The following ZNF623 variants were observed in gnomAD, a reference collection of about 807,000 sequenced individuals.
ZNF623 encodes zinc finger protein 623.
ZNF623 carries 16 observed loss-of-function variants against 24.0 expected under a neutral mutation model. The observed-to-expected ratio is 0.67, with a 90% CI of 0.45 to 1.01. The LOEUF is 1.01. Ranked by LOEUF, ZNF623 falls within the 50% of genes least tolerant of loss-of-function variation. ZNF623 has a pLI of 0.00. For synonymous variants in ZNF623, 224 were observed against 219.8 expected, an observed-to-expected ratio of 1.02 and a Z score of -0.17; for missense variants, 566 against 606.5, an observed-to-expected ratio of 0.93 and a Z score of 0.70.
chr8:143,646,566 T>C (rs979339691), intron 1 of ZNF623, among the ~76,000 whole-genome samples: 8 of 151,768 alleles, frequency 5.3e-5, no homozygotes, highest in Non-Finnish European at 1.0e-4. Context: ...TGTGTGTGTG[T>C]GTGCATGCAT....
At position 143,651,599 on chromosome 8, in the gene ZNF623, TG is replaced by T; in HGVS notation, c.*117del. The T allele has an allele frequency of 2.5e-6, 3 of 1,201,652 alleles. No homozygotes were observed. The highest frequency in any genetic ancestry group is 2.5e-4 in the Middle Eastern group (1 of 3,938). 74.4% of individuals were successfully genotyped at this position (1,201,652 alleles called of 1,614,324 possible). A position where few individuals can be genotyped will look rare whatever the true frequency, so the allele number is the denominator to read the frequency against. ...TGTGAGTCATGGATGGGGCTGCTTT[TG>T]CAGTGGGTGCCACCTGCCACTGTGC... is the stretch of plus-strand genomic sequence containing the variant. On this transcript the variant is annotated 3_prime_UTR_variant, in exon 2 of 2. Coordinates refer to ENST00000526926, the MANE Select transcript of ZNF623 (RefSeq NM_001261843.2).
intron 1 of ZNF623, among the ~76,000 whole-genome samples, chr8:143,641,382 G>A (rs1484185498): frequency 6.6e-6 from 1 of 151,726 alleles, no homozygotes; most frequent in Non-Finnish European, 1.5e-5. Context: ...AAGAACATCA[G>A]TCTCCCTGTT....
intron 1 of ZNF623, among the ~76,000 whole-genome samples, chr8:143,647,171 C>A (rs11778687): frequency 6.6e-6 from 1 of 151,060 alleles, no homozygotes; most frequent in Admixed American, 6.6e-5. Context: ...TGTTTTGTTT[C>A]GTTTTTTGAG....
At chr8:143,649,644 G>A (rs1587332692) in intron 1 of ZNF623, 14 of 526,046 alleles carry the variant, frequency 2.7e-5, no homozygotes, top group Non-Finnish European at 3.7e-5. Context: ...TTCACTAATG[G>A]TCAGAGGAGT....
intron 1 of ZNF623, among the ~76,000 whole-genome samples, chr8:143,647,031 A>G (rs1283773203): frequency 6.6e-6 from 1 of 152,134 alleles, no homozygotes; most frequent in Non-Finnish European, 1.5e-5. Flanking sequence ...ATTGTGTCAC[A>G]TCTCGCAGTC....
chr8:143,640,163 T>C (rs1256391705), intron 1 of ZNF623, among the ~76,000 whole-genome samples: 1 of 152,246 alleles, frequency 6.6e-6, no homozygotes, highest in South Asian at 2.1e-4. Flanking sequence ...TCCCAGTGTA[T>C]ATAAAAGTTA....
At chr8:143,645,347 GC>G (rs1815153755) in intron 1 of ZNF623, among the ~76,000 whole-genome samples, 1 of 151,592 alleles carries the variant, frequency 6.6e-6, no homozygotes, top group Non-Finnish European at 1.5e-5. Flanking sequence ...CAGGAGAATG[GC>G]GTGAACCCAG....
chr8:143,650,839 G>T lies in ZNF623; in HGVS notation c.847G>T (p.Glu283Ter). The part of the protein sequence containing the change: ...HTGERPFECN[E>*]CGKAFIRSSK... ...CGGAGAGAGACCCTTTGAATGCAAT[G>T]AGTGTGGGAAAGCCTTTATTCGGAG... The change falls in exon 2 of 2, where the codon GAG becomes TAG. Residue 283 changes from glutamate (E) to a stop codon, truncating the protein, a stop_gained. Coordinates refer to ENST00000526926, the MANE Select transcript of ZNF623 (RefSeq NM_001261843.2). LOFTEE classifies it high-confidence loss of function. This position sits in a 1 kb window ranked among gnomAD's most constrained non-coding sequence, Gnocchi z 5.2. 1 of 1,614,208 alleles carries T rather than the reference G, an allele frequency of 6.2e-7. No homozygotes were observed. The highest frequency in any genetic ancestry group is 8.5e-7 in the Non-Finnish European group (1 of 1,180,028).
Position 143,650,749 on chromosome 8 carries a change from T to C in ZNF623, c.757T>C (p.Cys253Arg). Reference protein sequence around the residue: ...QIHTEVKQYECKECGKAFRHR... With the variant: ...QIHTEVKQYERKECGKAFRHR... ...CCACACAGAAGTGAAACAGTATGAA[T>C]GCAAAGAATGTGGGAAGGCATTCCG... Residue 253 changes from cysteine (C) to arginine (R), a missense_variant, in exon 2 of 2, where the codon TGC becomes CGC. By Grantham distance (180) the Cys-to-Arg change is radical. This residue lies in a region of ZNF623 where 117 missense variants were observed against 174.2 expected (regional missense o/e 0.67). Transcript: ENST00000526926. This position sits in a 1 kb window ranked among gnomAD's most constrained non-coding sequence, Gnocchi z 5.2. The C allele has an allele frequency of 3.1e-6, 5 of 1,614,118 alleles. 1 individual carries two copies. In the Middle Eastern group the frequency reaches 4.9e-4, roughly 160 times the overall value.
At chr8:143,640,200 C>T (rs902343174) in intron 1 of ZNF623, among the ~76,000 whole-genome samples, 14 of 152,180 alleles carry the variant, frequency 9.2e-5, no homozygotes, top group Non-Finnish European at 1.5e-5. Flanking sequence ...GGTTACTATT[C>T]AGTATGCAAT....
At chr8:143,640,559 C>T (rs1478022509) in intron 1 of ZNF623, among the ~76,000 whole-genome samples, 2 of 152,214 alleles carry the variant, frequency 1.3e-5, no homozygotes, top group Non-Finnish European at 2.9e-5. Flanking sequence ...CTTCAAAATC[C>T]TTTGTTGTCA....
intron 1 of ZNF623, among the ~76,000 whole-genome samples, chr8:143,640,704 G>T (rs1815028708): frequency 6.6e-6 from 1 of 152,102 alleles, no homozygotes; most frequent in Non-Finnish European, 1.5e-5. Flanking sequence ...ACTTTGGGAG[G>T]CTGAGGCAGG....
At chr8:143,638,367 AGTT>A (rs1563696189) in intron 1 of ZNF623, among the ~76,000 whole-genome samples, 13 of 151,632 alleles carry the variant, frequency 8.6e-5, no homozygotes, top group African/African-American at 3.2e-4. Context: ...CTTTCTCAAA[AGTT>A]AAAAAAATTA....
chr8:143,650,566 G>C lies in ZNF623; in HGVS notation c.574G>C (p.Glu192Gln). The C allele has an allele frequency of 6.2e-7, 1 of 1,614,244 alleles. No individual in the cohort carries two copies. The highest frequency in any genetic ancestry group is 8.5e-7 in the Non-Finnish European group (1 of 1,180,048). ...LIRHQRVHTR[E>Q]RPFECKECGK... is the part of the protein sequence containing the mutation. ...TAGGCACCAGAGAGTTCACACCAGA[G>C]AGAGACCTTTTGAATGCAAAGAGTG... The change falls in exon 2 of 2, where the codon GAG becomes CAG. Residue 192 changes from glutamate (E) to glutamine (Q), a missense_variant. Physicochemically the swap from Glu to Gln is conservative, Grantham distance 29. Coordinates refer to ENST00000526926, the MANE Select transcript of ZNF623 (RefSeq NM_001261843.2). This position sits in a 1 kb window ranked among gnomAD's most constrained non-coding sequence, Gnocchi z 5.2.
intron 1 of ZNF623, among the ~76,000 whole-genome samples, chr8:143,645,187 T>C (rs1815145667): frequency 6.7e-6 from 1 of 150,008 alleles, no homozygotes; most frequent in African/African-American, 2.5e-5. Flanking sequence ...CTCATGCCTG[T>C]AATCCCAGCA....
chr8:143,639,655 C>T (rs1466238400), intron 1 of ZNF623, among the ~76,000 whole-genome samples: 4 of 152,214 alleles, frequency 2.6e-5, no homozygotes, highest in African/African-American at 9.6e-5. Flanking sequence ...GCACCTGGCC[C>T]AGTTTGAATT....
intron 1 of ZNF623, among the ~76,000 whole-genome samples, chr8:143,643,987 C>A (rs1815116236): frequency 6.6e-6 from 1 of 152,074 alleles, no homozygotes; most frequent in Non-Finnish European, 1.5e-5. Context: ...CTGCTTGCTG[C>A]CAGTGCATCC....
Position 143,650,213 on chromosome 8 carries a change from AG to A in ZNF623, c.222del (p.Arg75GlufsTer4). 6.2e-7 allele frequency: 1 copy of A among 1,614,258 alleles called. No homozygotes were observed. Among genetic ancestry groups the A allele is most frequent in the Non-Finnish European group, 8.5e-7 (1 of 1,180,048 alleles). ...CTGAACTCAGACCTTCTTCTGCTTC[AG>A]AGAGAGCTCATAGAGGGGGAAGCCA... is the stretch of plus-strand genomic sequence containing the variant. ...HILNSDLLLL[Q>X]RELIEGEANP... is the part of the protein sequence containing the mutation. On this transcript the variant is annotated frameshift_variant, in exon 2 of 2. Coordinates refer to ENST00000526926, the MANE Select transcript of ZNF623 (RefSeq NM_001261843.2). LOFTEE classifies it low-confidence loss of function (END_TRUNC). This position sits in a 1 kb window ranked among gnomAD's most constrained non-coding sequence, Gnocchi z 5.2.
intron 1 of ZNF623, among the ~76,000 whole-genome samples, chr8:143,644,279 A>T (rs1815121130): frequency 6.6e-6 from 1 of 152,144 alleles, no homozygotes; most frequent in Admixed American, 6.5e-5. Context: ...TAGCCTCCCA[A>T]AGTGTTGGGA....
Sources: allele counts gnomAD v4.1 joint callset (sites outside exome capture counted in the v4.1 genomes callset), GRCh38; gene constraint gnomAD v4.1.1; regional missense constraint gnomAD v4.1.1; non-coding constraint Gnocchi (gnomAD v3.1); transcripts MANE v1.5; gene names NCBI Gene and HGNC (gene_info 2026-07-23, HGNC 2026-07-21).